NDE1: variants seen among roughly 807,000 people sequenced by gnomAD.
NDE1 encodes nuclear distribution protein nudE homolog 1.
Under a neutral mutation model 43.4 loss-of-function variants are expected in NDE1, and 28 were observed. That is an observed-to-expected ratio of 0.65 (90% confidence interval 0.48 to 0.89). The LOEUF (loss-of-function observed/expected upper bound fraction) is 0.89. NDE1 is among the 40% of genes least tolerant of loss of function. The pLI is 0.00. For synonymous variants in NDE1, 184 were observed against 172.0 expected (o/e 1.07, Z -0.55); for missense variants, 441 against 434.1 (o/e 1.02, Z -0.14).
At chr16:15,722,916 G>A (rs2040560915) in intron 8 of NDE1, among the ~76,000 whole-genome samples, 1 of 151,992 alleles carries the variant, frequency 6.6e-6, no homozygotes, top group Non-Finnish European at 1.5e-5. Context: ...GCTAATTTTG[G>A]TATTTTTAGT....
intron 1 of NDE1, among the ~76,000 whole-genome samples, chr16:15,656,615 A>C (rs922965865): frequency 1.3e-4 from 20 of 152,042 alleles, no homozygotes; most frequent in African/African-American, 4.3e-4. Context: ...ATCTCTGCTC[A>C]CTGGAACCTC....
Position 15,652,440 on chromosome 16 carries a change from A to G in NDE1, c.-44+2146A>G, listed in dbSNP as rs543190911. On this transcript the variant is annotated intron_variant, in intron 1 of 8. Coordinates refer to ENST00000396354, the MANE Select transcript of NDE1 (RefSeq NM_017668.3). ...AACATGAGCATTCCTGTGTACAGAA[A>G]GTTTGTGCCTGCAGTTAGTACTACA... Among the ~76,000 whole-genome samples the G allele has an allele frequency of 2.8e-4, 43 of 152,308 alleles. No homozygotes were observed. The South Asian group carries it at 8.9e-3, about 32-fold the overall frequency.
chr16:15,660,756 GCTT>G (rs2037003261), intron 1 of NDE1, among the ~76,000 whole-genome samples: 1 of 152,010 alleles, frequency 6.6e-6, no homozygotes, highest in Non-Finnish European at 1.5e-5. Context: ...TATCTTCCCT[GCTT>G]CTCTGTTGCA....
intron 8 of NDE1, among the ~76,000 whole-genome samples, chr16:15,722,602 G>A (rs1374881557): frequency 6.6e-6 from 1 of 152,200 alleles, no homozygotes; most frequent in Non-Finnish European, 1.5e-5. Context: ...CATTGAAGAT[G>A]AGCTGACAGC....
At position 15,718,365 on chromosome 16, in the gene NDE1, G is replaced by C. The variant is rs567806167; in HGVS notation, c.948-5826G>C. The C allele has an allele frequency of 1.2e-6, 2 of 1,607,810 alleles. No homozygotes were observed. Among genetic ancestry groups the C allele is most frequent in the Non-Finnish European group, 1.7e-6 (2 of 1,179,378 alleles). ...TCGCTCATGGCCTCCATGTTGCCCTGCTCCTCCTCCAGCTCCTCCTCCAGC... is the reference window on the plus strand; with the variant it reads ...TCGCTCATGGCCTCCATGTTGCCCTCCTCCTCCTCCAGCTCCTCCTCCAGC... On this transcript the variant is annotated intron_variant, in intron 8 of 8. Transcript: ENST00000396354.
chr16:15,664,922 G>A (rs2037227086), intron 2 of NDE1, 61 bp downstream of exon 2: 1 of 1,320,050 alleles, frequency 7.6e-7, no homozygotes, highest in Admixed American at 1.7e-5. Context: ...GTCCTGCTAT[G>A]TTACCTAGGC....
chr16:15,710,081 G>A (rs1488812737), intron 8 of NDE1, among the ~76,000 whole-genome samples: 1 of 152,182 alleles, frequency 6.6e-6, no homozygotes, highest in African/African-American at 2.4e-5. Context: ...AGATGCAGAA[G>A]GCAGGACAGA....
intron 7 of NDE1, among the ~76,000 whole-genome samples, chr16:15,696,457 C>T (rs1030062802): frequency 6.6e-6 from 1 of 151,880 alleles, no homozygotes; most frequent in African/African-American, 2.4e-5. Context: ...GTCAAGCCAT[C>T]CTCCTGCCTT....
Position 15,717,239 on chromosome 16 carries a change from T to C in NDE1, c.948-6952T>C, listed in dbSNP as rs1259582668. ...GGACTTGACGGCCCCCTCCATCTCG[T>C]GGAGCTTGCTCCGGAGCTCCTTGTT... On this transcript the variant is annotated intron_variant, in intron 8 of 8. Coordinates refer to ENST00000396354, the MANE Select transcript of NDE1 (RefSeq NM_017668.3). 1.9e-6 allele frequency: 3 copies of C among 1,614,088 alleles called. No individual in the cohort carries two copies. Among genetic ancestry groups the C allele is most frequent in the East Asian group, 2.2e-5 (1 of 44,894 alleles).
Position 15,724,495 on chromosome 16 carries a change from C to A in NDE1, c.*244C>A. 6.2e-7 allele frequency: 1 copy of A among 1,608,756 alleles called. No individual in the cohort carries two copies. Among genetic ancestry groups the A allele is most frequent in the South Asian group, 1.1e-5 (1 of 90,842 alleles). On this transcript the variant is annotated 3_prime_UTR_variant, in exon 9 of 9. Coordinates refer to ENST00000396354, the MANE Select transcript of NDE1 (RefSeq NM_017668.3). ...CCCCACAGACTCTGAGAAGCGAAGACCATGTCTCCTCGTTGGAGAAACCCA... is the reference window on the plus strand; with the variant it reads ...CCCCACAGACTCTGAGAAGCGAAGAACATGTCTCCTCGTTGGAGAAACCCA...
rs2040642863 is a variant in NDE1, at chr16:15,724,420, A to G, written c.*169A>G. 3 of 1,613,706 alleles carry G rather than the reference A, an allele frequency of 1.9e-6. No homozygotes were observed. Among genetic ancestry groups the G allele is most frequent in the East Asian group, 2.2e-5 (1 of 44,872 alleles). ...CTTCGAGTCGGAGAGCTACAAGGACAGCGTCCAGGGTAGGGTGAGAGGGGG... is the reference window on the plus strand; with the variant it reads ...CTTCGAGTCGGAGAGCTACAAGGACGGCGTCCAGGGTAGGGTGAGAGGGGG... On this transcript the variant is annotated 3_prime_UTR_variant, in exon 9 of 9. Coordinates refer to ENST00000396354, the MANE Select transcript of NDE1 (RefSeq NM_017668.3).
At chr16:15,678,058 A>G in intron 4 of NDE1, 109 bp downstream of exon 4, 1 of 1,387,028 alleles carries the variant, frequency 7.2e-7, no homozygotes, top group East Asian at 2.3e-5. Flanking sequence ...AGCAGTGAGC[A>G]GAACAAAGCC....
At position 15,726,240 on chromosome 16, in the gene NDE1, G is replaced by A. The variant is rs2040750448; in HGVS notation, c.*1989G>A. 1.3e-5 allele frequency: 2 copies of A among 154,464 alleles called. No homozygotes were observed. The highest frequency in any genetic ancestry group is 4.8e-5 in the African/African-American group (2 of 41,454). 9.6% of individuals were successfully genotyped at this position (154,464 alleles called of 1,614,324 possible). A position where few individuals can be genotyped will look rare whatever the true frequency, so the allele number is the denominator to read the frequency against. ...TCCCTTCCCTTCCCCTTACTCGGCT[G>A]GAGTCCTACTGGGGCAGCGACAGTG... On this transcript the variant is annotated 3_prime_UTR_variant, in exon 9 of 9. Coordinates refer to ENST00000396354, the MANE Select transcript of NDE1 (RefSeq NM_017668.3).
intron 4 of NDE1, among the ~76,000 whole-genome samples, chr16:15,681,324 G>A (rs2038170816): frequency 8.4e-6 from 1 of 119,604 alleles, no homozygotes; most frequent in African/African-American, 3.3e-5. Context: ...AGAGTGCCAT[G>A]GTGCAATTAC....
chr16:15,718,355 A>T lies in NDE1; in HGVS notation c.948-5836A>T, dbSNP rs999924172. ...GCGGACCCGGTCGCTCATGGCCTCC[A>T]TGTTGCCCTGCTCCTCCTCCAGCTC... is the stretch of plus-strand genomic sequence containing the variant. On this transcript the variant is annotated intron_variant, in intron 8 of 8. Transcript: ENST00000396354. The T allele has an allele frequency of 2.5e-6, 4 of 1,608,654 alleles. No homozygotes were observed. The South Asian group carries it at 4.4e-5, about 18-fold the overall frequency.
chr16:15,682,632 T>A (rs1213548308), intron 4 of NDE1, among the ~76,000 whole-genome samples: 1 of 152,236 alleles, frequency 6.6e-6, no homozygotes, highest in Non-Finnish European at 1.5e-5. Context: ...AAAGGTTACT[T>A]TGTTTCATAT....
intron 4 of NDE1, chr16:15,686,526 T>G: frequency 1.0e-6 from 1 of 985,206 alleles, no homozygotes; most frequent in Non-Finnish European, 1.2e-6. Flanking sequence ...CTTAAGTGCA[T>G]CTTATGCCTG....
rs2038492054 is a variant in NDE1, at chr16:15,687,353, ACT to A, written c.387-19_387-18del. On this transcript the variant is annotated intron_variant, in intron 4 of 8. Transcript: ENST00000396354. ...ATGCTGCGGTTTGTCCTCTTGGATA[ACT>A]CTGCTTTTCTCTTCGCCAGCGCCAC... is the stretch of plus-strand genomic sequence containing the variant. 18 of 1,613,688 alleles carry A rather than the reference ACT, an allele frequency of 1.1e-5. No homozygotes were observed. Among genetic ancestry groups the A allele is most frequent in the Admixed American group, 1.7e-5 (1 of 59,960 alleles).
At chr16:15,703,645 A>G (rs1213139426) in intron 8 of NDE1, 3 of 418,372 alleles carry the variant, frequency 7.2e-6, no homozygotes, top group African/African-American at 4.0e-5. Context: ...CTGGAGTGCA[A>G]TGATGCAATT....
Sources: allele counts gnomAD v4.1 joint callset (sites outside exome capture counted in the v4.1 genomes callset), GRCh38; gene constraint gnomAD v4.1.1; transcripts MANE v1.5; gene names NCBI Gene and HGNC (gene_info 2026-07-23, HGNC 2026-07-21).